The following SNRPN variants were observed in gnomAD, a reference collection of about 807,000 sequenced individuals.
SNRPN encodes small nuclear ribonucleoprotein polypeptide N.
In SNRPN, 7 loss-of-function variants were observed where a neutral mutation model predicts 25.2. The ratio of observed to expected loss-of-function variants is 0.28; its 90% confidence interval spans 0.16 to 0.52. The LOEUF (loss-of-function observed/expected upper bound fraction) is 0.52. Among genes scored for constraint, SNRPN ranks in the 20% least tolerant of loss-of-function variants. The probability of loss-of-function intolerance (pLI) is 0.96; values close to 1 mark genes in which losing one functional copy is unlikely to be tolerated. For missense variants in SNRPN, 196 were observed against 322.5 expected, an observed-to-expected ratio of 0.61 and a Z score of 3.00; for synonymous variants, 124 against 110.6, an observed-to-expected ratio of 1.12 and a Z score of -0.76.
upstream of SNRPN, among the ~76,000 whole-genome samples, chr15:24,855,984 A>T (rs2053347013): frequency 6.6e-6 from 1 of 152,044 alleles, no homozygotes. Context: ...TTTATAGAAA[A>T]ATTCACATTT....
At chr15:24,947,070 T>C (rs2061933978) in intron 3 of SNRPN, among the ~76,000 whole-genome samples, 2 of 152,212 alleles carry the variant, frequency 1.3e-5, no homozygotes, top group African/African-American at 4.8e-5. Flanking sequence ...TTTGTTTATG[T>C]TCCATAAATT....
intron 2 of SNRPN, among the ~76,000 whole-genome samples, chr15:24,833,762 G>A (rs1349459855): frequency 6.7e-6 from 1 of 149,312 alleles, no homozygotes; most frequent in Non-Finnish European, 1.5e-5. Context: ...CAGGAAGAGA[G>A]GTTGTTGTTT....
At chr15:24,974,811 G>C (rs2153684552) in intron 4 of SNRPN, 1 of 651,770 alleles carries the variant, frequency 1.5e-6, no homozygotes, top group East Asian at 2.7e-5. Flanking sequence ...CACCCACCTC[G>C]GCCTCCCAAA....
intron 2 of SNRPN, among the ~76,000 whole-genome samples, chr15:24,906,551 T>C (rs1191523529): frequency 6.6e-6 from 1 of 152,244 alleles, no homozygotes; most frequent in East Asian, 1.9e-4. Flanking sequence ...CTTCTTGGTC[T>C]CTGCGTATAG....
intron 3 of SNRPN, among the ~76,000 whole-genome samples, chr15:24,949,105 T>C (rs1462894591): frequency 1.5e-5 from 2 of 131,138 alleles, no homozygotes; most frequent in Non-Finnish European, 3.1e-5. Context: ...CATTGCAACC[T>C]CCGTCTCCTG....
At position 24,949,010 on chromosome 15, in the gene SNRPN, C is replaced by CTTTTTT. The variant is rs869100437; in HGVS notation, c.-390-13080_-390-13075dup. Among the ~76,000 whole-genome samples the CTTTTTT allele has an allele frequency of 6.5e-3, 300 of 46,442 alleles. 11 individuals are homozygous for CTTTTTT. Among genetic ancestry groups the CTTTTTT allele is most frequent in the Middle Eastern group, 0.02 (1 of 50 alleles). 30.5% of individuals were successfully genotyped at this position (46,442 alleles called of 152,430 possible). On this transcript the variant is annotated intron_variant, in intron 3 of 11. Coordinates refer to the SNRPN transcript ENST00000400097. The stretch of plus-strand genomic sequence containing the variant: ...TTCTGTCTATATGGATTTGCCTATT[C>CTTTTTT]TTTTTTTTTTTTTTTTTTTTTTTTT...
chr15:24,975,964 ATTAT>A, intron 5 of SNRPN, among the ~76,000 whole-genome samples: 1 of 152,214 alleles, frequency 6.6e-6, no homozygotes, highest in East Asian at 1.9e-4. Context: ...TTATGATTTA[ATTAT>A]TTAAGTAATT....
At chr15:24,881,774 CATG>C (rs1285970177) in intron 1 of SNRPN, among the ~76,000 whole-genome samples, 6 of 152,170 alleles carry the variant, frequency 3.9e-5, no homozygotes, top group Non-Finnish European at 8.8e-5. Context: ...ATGCAATATT[CATG>C]AGTTCTGGGT....
In SNRPN at chr15:24,840,829, T is replaced by C. The variant is rs542746919; in HGVS notation, c.-579+10924T>C. Among the ~76,000 whole-genome samples, 10 of 152,286 alleles carry C rather than the reference T, an allele frequency of 6.6e-5. No individual in the cohort carries two copies. In the South Asian group the frequency reaches 1.9e-3, roughly 28 times the overall value. On this transcript the variant is annotated intron_variant, in intron 2 of 12. Coordinates refer to the SNRPN transcript ENST00000400100. ...TGACCAGCTAAACTGGGCTGTTACA[T>C]TGTGACAGGTGGGTTGTCACTTTTT...
chr15:24,888,993 C>T lies in SNRPN; in HGVS notation c.-505+2404C>T, dbSNP rs148572247. Among the ~76,000 whole-genome samples, 53 of 152,214 alleles carry T rather than the reference C, an allele frequency of 3.5e-4. 1 individual carries two copies. In the East Asian group the frequency reaches 9.5e-3, roughly 27 times the overall value. ...AGTGCTGTGGCACAATCTTGGCTCACTGCAACCTGAACCTCTGGGGTTCAT... is the reference window on the plus strand; with the variant it reads ...AGTGCTGTGGCACAATCTTGGCTCATTGCAACCTGAACCTCTGGGGTTCAT... On this transcript the variant is annotated intron_variant, in intron 2 of 11. Coordinates refer to the SNRPN transcript ENST00000400097.
At chr15:24,866,272 G>A (rs2054560964) in intron 1 of SNRPN, among the ~76,000 whole-genome samples, 1 of 152,020 alleles carries the variant, frequency 6.6e-6, no homozygotes, top group South Asian at 2.1e-4. Flanking sequence ...TGAGATGTAT[G>A]TACTATGTAT....
chr15:24,944,281 A>T (rs10162787), intron 3 of SNRPN, among the ~76,000 whole-genome samples: 9 of 152,184 alleles, frequency 5.9e-5, no homozygotes, highest in African/African-American at 1.2e-4. Context: ...TGAATCCCTG[A>T]GCTAATTTTC....
intron 1 of SNRPN, among the ~76,000 whole-genome samples, chr15:24,874,739 A>T (rs1163595419): frequency 6.7e-6 from 1 of 149,114 alleles, no homozygotes; most frequent in East Asian, 2.0e-4. Context: ...ATAATCTCAT[A>T]AATAGGAGAG....
At chr15:24,971,690 A>G (rs2076427109) in intron 3 of SNRPN, among the ~76,000 whole-genome samples, 1 of 152,170 alleles carries the variant, frequency 6.6e-6, no homozygotes, top group Non-Finnish European at 1.5e-5. Context: ...GGTCATTGCC[A>G]AGGTCTGATT....
At chr15:24,977,959 G>A (rs1163985070) in intron 8 of SNRPN, 43 bp downstream of exon 8, 2 of 1,499,438 alleles carry the variant, frequency 1.3e-6, no homozygotes, top group Non-Finnish European at 1.8e-6. Flanking sequence ...AATCTCTGAT[G>A]AGAGATAGCT....
At chr15:24,869,110 G>T (rs913854178) in intron 1 of SNRPN, among the ~76,000 whole-genome samples, 2 of 152,040 alleles carry the variant, frequency 1.3e-5, no homozygotes, top group African/African-American at 4.8e-5. Context: ...ACACCACAGC[G>T]CTCCAGCCTG....
intron 3 of SNRPN, among the ~76,000 whole-genome samples, chr15:24,941,026 G>C (rs2061517984): frequency 6.6e-6 from 1 of 152,148 alleles, no homozygotes. Flanking sequence ...GCCCAGGCTG[G>C]AGTGCAGTGG....
chr15:24,977,366 G>T (rs2077180299), intron 7 of SNRPN, among the ~76,000 whole-genome samples: 1 of 152,150 alleles, frequency 6.6e-6, no homozygotes, highest in Non-Finnish European at 1.5e-5. Flanking sequence ...TAGGCCGGGT[G>T]CAGTGGCTTA....
intron 1 of SNRPN, among the ~76,000 whole-genome samples, chr15:24,961,608 T>TTGCTGAGC (rs2074826842): frequency 6.6e-6 from 1 of 152,228 alleles, no homozygotes; most frequent in South Asian, 2.1e-4. Flanking sequence ...AGCTCTTCTA[T>TTGCTGAGC]TGCTTTGCAA....
Sources: allele counts gnomAD v4.1 joint callset (sites outside exome capture counted in the v4.1 genomes callset), GRCh38; gene constraint gnomAD v4.1.1; transcripts MANE v1.5; gene names NCBI Gene and HGNC (gene_info 2026-07-23, HGNC 2026-07-21).